The following PHTF2 variants were observed in gnomAD, a reference collection of about 807,000 sequenced individuals.
PHTF2 encodes putative homeodomain transcription factor 2.
PHTF2 carries 60 observed loss-of-function variants against 101.2 expected under a neutral mutation model. The observed-to-expected ratio is 0.59, with a 90% confidence interval of 0.48 to 0.73. The LOEUF is 0.73. PHTF2 is among the 30% of genes least tolerant of loss of function. The probability of loss-of-function intolerance (pLI) is 0.00; values close to 1 mark genes in which losing one functional copy is unlikely to be tolerated. For missense variants in PHTF2, 747 were observed against 908.7 expected (o/e 0.82, Z 2.29); for synonymous variants, 311 against 307.3 (o/e 1.01, Z -0.13).
chr7:77,806,080 C>G (rs920584625), intron 1 of PHTF2, among the ~76,000 whole-genome samples: 3 of 151,470 alleles, frequency 2.0e-5, no homozygotes, highest in African/African-American at 7.3e-5. Flanking sequence ...GAGCCTGAGG[C>G]AGAAGAATCC....
intron 1 of PHTF2, among the ~76,000 whole-genome samples, chr7:77,838,144 T>C (rs1795611667): frequency 6.6e-6 from 1 of 152,178 alleles, no homozygotes; most frequent in Non-Finnish European, 1.5e-5. Context: ...GTGTATTGAA[T>C]AGTCCCCTAG....
chr7:77,826,164 G>A (rs1024578910), intron 1 of PHTF2, among the ~76,000 whole-genome samples: 1 of 152,068 alleles, frequency 6.6e-6, no homozygotes, highest in African/African-American at 2.4e-5. Flanking sequence ...ATTCAAGATG[G>A]AGAATTATTT....
chr7:77,928,505 A>G (rs914661287), intron 11 of PHTF2, among the ~76,000 whole-genome samples: 4 of 152,204 alleles, frequency 2.6e-5, no homozygotes, highest in Non-Finnish European at 4.4e-5. Flanking sequence ...AAAGACTAGA[A>G]TAAGAAAATA....
At chr7:77,925,007 T>G (rs1365965347) in intron 11 of PHTF2, among the ~76,000 whole-genome samples, 1 of 152,172 alleles carries the variant, frequency 6.6e-6, no homozygotes, top group East Asian at 1.9e-4. Flanking sequence ...TTCTTTTAAG[T>G]GTTTCTTCTG....
intron 3 of PHTF2, among the ~76,000 whole-genome samples, chr7:77,882,176 T>G (rs1174761825): frequency 6.6e-6 from 1 of 152,186 alleles, no homozygotes; most frequent in Non-Finnish European, 1.5e-5. Context: ...AGCTTTAGCT[T>G]TTATTACTCA....
intron 10 of PHTF2, 123 bp downstream of exon 9, chr7:77,920,588 A>G (rs1803360978): frequency 2.9e-6 from 2 of 693,790 alleles, no homozygotes; most frequent in African/African-American, 1.8e-5. Flanking sequence ...GTGAGCGTTT[A>G]TAACACTGAT....
chr7:77,948,546 T>C (rs1054283676), intron 16 of PHTF2, among the ~76,000 whole-genome samples: 6 of 152,038 alleles, frequency 3.9e-5, no homozygotes, highest in Admixed American at 3.9e-4. Context: ...ATGACTTAAA[T>C]AGGATTGTTA....
Position 77,857,326 on chromosome 7 carries a change from A to C in PHTF2, c.147+2492A>C, listed in dbSNP as rs1797263947. Among the ~76,000 whole-genome samples, 3 of 152,304 alleles carry C rather than the reference A, an allele frequency of 2.0e-5. No individual in the cohort carries two copies. The East Asian group carries it at 5.8e-4, about 29-fold the overall frequency. ...CCCAGAGGTCATGAATAGGAAAAAG[A>C]GACAACCACAGGCCATCATGGTACT... On this transcript the variant is annotated intron_variant, in intron 3 of 19. Transcript: ENST00000416283.
At chr7:77,953,595 A>G (rs1806737849) in intron 18 of PHTF2, among the ~76,000 whole-genome samples, 174 bp from the exon 18 acceptor site, 1 of 152,224 alleles carries the variant, frequency 6.6e-6, no homozygotes, top group African/African-American at 2.4e-5. Context: ...TAAAACCATT[A>G]AAACTATTAT....
intron 9 of PHTF2, among the ~76,000 whole-genome samples, chr7:77,912,804 C>A (rs1802533504): frequency 7.3e-6 from 1 of 136,194 alleles, no homozygotes. Flanking sequence ...GTGATCATGG[C>A]TCCCTGAAGC....
intron 5 of PHTF2, among the ~76,000 whole-genome samples, chr7:77,899,366 T>C (rs528023697): frequency 1.4e-4 from 22 of 152,224 alleles, no homozygotes; most frequent in Middle Eastern, 6.8e-3. Context: ...TTTTTTTTTT[T>C]CACTCCATGC....
At chr7:77,894,053 T>C in intron 5 of PHTF2, 60 bp downstream of exon 4, 5 of 1,254,484 alleles carry the variant, frequency 4.0e-6, no homozygotes, top group Non-Finnish European at 1.2e-6. Flanking sequence ...GTCTGCTTAA[T>C]TGAGATCTGC....
chr7:77,877,352 C>T (rs1001720406), intron 3 of PHTF2, among the ~76,000 whole-genome samples: 1 of 152,104 alleles, frequency 6.6e-6, no homozygotes, highest in Non-Finnish European at 1.5e-5. Flanking sequence ...GATCCCCGCT[C>T]TCGGCCTCCC....
intron 1 of PHTF2, among the ~76,000 whole-genome samples, chr7:77,817,651 T>C (rs1206558756): frequency 6.6e-6 from 1 of 152,200 alleles, no homozygotes; most frequent in Non-Finnish European, 1.5e-5. Context: ...GAAACTACAA[T>C]TTAAGATGAG....
exon 14 of PHTF2, chr7:77,940,137 G>T: frequency 1.2e-6 from 2 of 1,613,752 alleles, no homozygotes; most frequent in Non-Finnish European, 1.7e-6. Context: ...CTACAGACTT[G>T]GAACAACTCA....
intron 11 of PHTF2, among the ~76,000 whole-genome samples, chr7:77,927,463 G>A (rs907527386): frequency 2.6e-5 from 4 of 152,038 alleles, no homozygotes; most frequent in East Asian, 3.9e-4. Context: ...AGTCGCAGTG[G>A]CATGTGTCTG....
At position 77,918,522 on chromosome 7, in the gene PHTF2, T is replaced by C. The variant is rs562959252; in HGVS notation, c.777-1757T>C. ...TTTCCAGTACATTCTCTCTTCCTTA[T>C]CTTTGAGTTTCTGACATTTTCAGGA... On this transcript the variant is annotated intron_variant, in intron 9 of 19. Transcript: ENST00000416283. Among the ~76,000 whole-genome samples the C allele has an allele frequency of 2.6e-5, 4 of 152,358 alleles. No individual in the cohort carries two copies. The South Asian group carries it at 8.3e-4, about 32-fold the overall frequency.
intron 12 of PHTF2, among the ~76,000 whole-genome samples, chr7:77,934,801 G>A (rs909423028): frequency 1.3e-5 from 2 of 151,940 alleles, no homozygotes; most frequent in African/African-American, 2.4e-5. Context: ...ACAAAAATTA[G>A]TCGGGCATGG....
Position 77,901,921 on chromosome 7 carries a change from G to A in PHTF2, c.445+1G>A. On this transcript the variant is annotated splice_donor_variant, in intron 7 of 19. Coordinates refer to ENST00000416283, the Ensembl canonical transcript of PHTF2. LOFTEE classifies it high-confidence loss of function. ...CTTCTTGTCCTTTATCTTCTTCAAG[G>A]TATAATTAAGTGATTTTTGCTTTTA... 1 of 1,547,004 alleles carries A rather than the reference G, an allele frequency of 6.5e-7. No individual in the cohort carries two copies. The highest frequency in any genetic ancestry group is 8.7e-7 in the Non-Finnish European group (1 of 1,146,176).
Sources: allele counts gnomAD v4.1 joint callset (sites outside exome capture counted in the v4.1 genomes callset), GRCh38; gene constraint gnomAD v4.1.1; transcripts MANE v1.5; gene names NCBI Gene and HGNC (gene_info 2026-07-23, HGNC 2026-07-21).